The following RFX4 variants were observed in gnomAD, a reference collection of about 807,000 sequenced individuals.
RFX4 encodes the protein transcription factor RFX4.
Under a neutral mutation model 95.0 loss-of-function variants are expected in RFX4, and 10 were observed. The ratio of observed to expected loss-of-function variants is 0.11; its 90% confidence interval spans 0.06 to 0.18. The LOEUF (loss-of-function observed/expected upper bound fraction) is 0.18, where lower values mean the gene tolerates loss of function less well. Ranked by LOEUF, RFX4 falls within the 10% of genes least tolerant of loss-of-function variation. The probability of loss-of-function intolerance (pLI) is 1.00; values close to 1 mark genes in which losing one functional copy is unlikely to be tolerated. For missense variants in RFX4, 640 were observed against 922.0 expected (o/e 0.69, Z 3.96); for synonymous variants, 321 against 340.7 (o/e 0.94, Z 0.64).
chr12:106,615,036 G>A (rs1013937898), intron 2 of RFX4, among the ~76,000 whole-genome samples: 5 of 152,006 alleles, frequency 3.3e-5, no homozygotes, highest in African/African-American at 4.8e-5. Flanking sequence ...TAGTGCTTTG[G>A]TATCCTATTA....
chr12:106,672,722 A>G (rs1404786695), intron 4 of RFX4, among the ~76,000 whole-genome samples: 3 of 150,322 alleles, frequency 2.0e-5, no homozygotes, highest in Admixed American at 2.0e-4. Context: ...TGGTGAAAGG[A>G]GAGGAGAATA....
rs775716468 is a variant in RFX4 at position 106,709,295 on chromosome 12, G to A, written c.834-35G>A. On this transcript the variant is annotated intron_variant, in intron 8 of 17. Coordinates refer to ENST00000392842, the MANE Select transcript of RFX4 (RefSeq NM_213594.3). ...GCCTGTGGGAGGAGCTAAGCAACAT[G>A]TGCAGCACTTAAAACTCATCGTTTC... 4 of 1,556,096 alleles carry A rather than the reference G, an allele frequency of 2.6e-6. No homozygotes were observed. The Admixed American group carries it at 6.8e-5, about 26-fold the overall frequency.
At chr12:106,752,513 G>C (rs1168168724) in intron 17 of RFX4, among the ~76,000 whole-genome samples, 1 of 151,890 alleles carries the variant, frequency 6.6e-6, no homozygotes, top group East Asian at 1.9e-4. Flanking sequence ...CTGCATGTCT[G>C]CTGCCCTTTT....
chr12:106,680,054 A>G (rs188346002), intron 4 of RFX4, among the ~76,000 whole-genome samples: 1 of 152,354 alleles, frequency 6.6e-6, no homozygotes, highest in East Asian at 1.9e-4. Context: ...TGGTACCCTT[A>G]AAGAATTCAG....
chr12:106,760,818 A>T (rs1268177699), intron 17 of RFX4, among the ~76,000 whole-genome samples: 1 of 151,660 alleles, frequency 6.6e-6, no homozygotes, highest in Non-Finnish European at 1.5e-5. Context: ...ATCCATCTGT[A>T]CATCCATATT....
intron 1 of RFX4, among the ~76,000 whole-genome samples, chr12:106,596,238 G>A (rs970047203): frequency 5.9e-5 from 9 of 152,306 alleles, no homozygotes; most frequent in African/African-American, 1.7e-4. Flanking sequence ...CTGTTCTTGC[G>A]ATAGTCAGTG....
chr12:106,613,742 A>G (rs1305472887), intron 2 of RFX4, among the ~76,000 whole-genome samples: 1 of 152,164 alleles, frequency 6.6e-6, no homozygotes, highest in East Asian at 1.9e-4. Context: ...ATATCATGAT[A>G]ATGCTGGCCT....
intron 5 of RFX4, chr12:106,682,766 C>T: frequency 6.6e-6 from 1 of 152,254 alleles, no homozygotes; most frequent in Non-Finnish European, 1.5e-5. Context: ...TAGGGGAGTG[C>T]AGAAGGCTGT....
rs370166868 is a variant in RFX4 at position 106,636,446 on chromosome 12, C to A, written c.131-2886C>A. Among the ~76,000 whole-genome samples the A allele has an allele frequency of 1.0e-4, 15 of 150,396 alleles. No homozygotes were observed. In the East Asian group the frequency reaches 2.5e-3, roughly 25 times the overall value. ...AGAAATAATGATCCAGGTGGCTACA[C>A]TGGGCAGCTAACAGGCAAATAATGT... On this transcript the variant is annotated intron_variant, in intron 2 of 17. Transcript: ENST00000392842.
intron 2 of RFX4, among the ~76,000 whole-genome samples, chr12:106,628,310 C>T (rs1412236659): frequency 6.6e-6 from 1 of 152,168 alleles, no homozygotes; most frequent in Non-Finnish European, 1.5e-5. Flanking sequence ...GGCCAAAATA[C>T]TTGAGGGGAA....
chr12:106,583,600 G>C (rs1033655096), intron 1 of RFX4: 8 of 382,832 alleles, frequency 2.1e-5, no homozygotes, highest in African/African-American at 1.7e-4. Context: ...GCGTGCGCGC[G>C]CGCGAAGGAG....
Position 106,624,369 on chromosome 12 carries a change from G to A in RFX4, c.131-14963G>A, listed in dbSNP as rs201105446. Among the ~76,000 whole-genome samples the A allele has an allele frequency of 2.6e-5, 4 of 152,158 alleles. No individual in the cohort carries two copies. The East Asian group carries it at 7.7e-4, about 29-fold the overall frequency. ...GAAATGGAGTCTCACTCTGTCACCAGGCTGGAGCGCAGTGTCGCGATCTTG... is the reference window on the plus strand; with the variant it reads ...GAAATGGAGTCTCACTCTGTCACCAAGCTGGAGCGCAGTGTCGCGATCTTG... On this transcript the variant is annotated intron_variant, in intron 2 of 17. Transcript: ENST00000392842.
At chr12:106,731,979 C>A in intron 13 of RFX4, 151 bp from the exon 14 acceptor site, 8 of 1,112,698 alleles carry the variant, frequency 7.2e-6, no homozygotes, top group Non-Finnish European at 1.0e-5. Flanking sequence ...AGAACTGCAA[C>A]CTATGACCAT....
chr12:106,755,636 T>C (rs1344088572), intron 17 of RFX4, among the ~76,000 whole-genome samples: 1 of 152,192 alleles, frequency 6.6e-6, no homozygotes, highest in Non-Finnish European at 1.5e-5. Flanking sequence ...AAGATAACCT[T>C]ATTTCTTACG....
At chr12:106,600,681 C>T (rs778209889) in intron 1 of RFX4, among the ~76,000 whole-genome samples, 2 of 152,128 alleles carry the variant, frequency 1.3e-5, no homozygotes, top group Non-Finnish European at 2.9e-5. Flanking sequence ...GGAGGGTCTG[C>T]GAGTCCCTAC....
rs113349672 is a variant in RFX4, at chr12:106,676,264, G to C, written c.316-5729G>C. Among the ~76,000 whole-genome samples the C allele has an allele frequency of 3.6e-3, 548 of 152,264 alleles. 3 individuals are homozygous for C. Among genetic ancestry groups the C allele is most frequent in the African/African-American group, 0.012 (515 of 41,544 alleles). On this transcript the variant is annotated intron_variant, in intron 4 of 17. Transcript: ENST00000392842. The stretch of plus-strand genomic sequence containing the variant: ...AGGGCACAGGTAGTGAGGAGGGAGA[G>C]AGAGTTTAAGGTAGAAGGTGCAGAG...
At chr12:106,735,240 T>C (rs2042689252) in intron 15 of RFX4, among the ~76,000 whole-genome samples, 1 of 152,116 alleles carries the variant, frequency 6.6e-6, no homozygotes, top group South Asian at 2.1e-4. Context: ...AGGAGTTCTC[T>C]GATAATGTGG....
chr12:106,709,648 TAGAG>T (rs35885540), intron 9 of RFX4, among the ~76,000 whole-genome samples: 30,817 of 152,040 alleles, frequency 0.2, 3,391 homozygotes, highest in South Asian at 0.28. Flanking sequence ...GGAATCAACT[TAGAG>T]AGGTAGTAAG....
intron 2 of RFX4, among the ~76,000 whole-genome samples, chr12:106,618,663 G>A (rs1464699255): frequency 2.0e-5 from 3 of 151,656 alleles, no homozygotes; most frequent in Non-Finnish European, 4.4e-5. Context: ...GTTTAGTAAA[G>A]TTTTTCACTA....
Sources: allele counts gnomAD v4.1 joint callset (sites outside exome capture counted in the v4.1 genomes callset), GRCh38; gene constraint gnomAD v4.1.1; transcripts MANE v1.5; gene names NCBI Gene and HGNC (gene_info 2026-07-23, HGNC 2026-07-21).